Variants in MACROD2 observed in about 807,000 individuals in gnomAD.
MACROD2 encodes ADP-ribose glycohydrolase MACROD2.
MACROD2 carries 36 observed loss-of-function variants against 70.4 expected under a neutral mutation model. The ratio of observed to expected loss-of-function variants is 0.51; its 90% CI spans 0.39 to 0.68. MACROD2 has a LOEUF of 0.68. MACROD2 is among the 30% of genes least tolerant of loss of function. The probability of loss-of-function intolerance (pLI) is 0.00; values close to 1 mark genes in which losing one functional copy is unlikely to be tolerated. For missense variants in MACROD2, 496 were observed against 538.4 expected, an observed-to-expected ratio of 0.92 and a Z score of 0.78; for synonymous variants, 172 against 178.8, an observed-to-expected ratio of 0.96 and a Z score of 0.30.
intron 6 of MACROD2, among the ~76,000 whole-genome samples, chr20:15,362,008 CTT>C (rs34029805): frequency 4.9e-5 from 7 of 142,472 alleles, no homozygotes; most frequent in Admixed American, 2.1e-4. Context: ...TTATTTCTTC[CTT>C]TTTTTTTTTT....
intron 6 of MACROD2, among the ~76,000 whole-genome samples, chr20:15,323,863 G>A (rs2146175997): frequency 6.6e-6 from 1 of 152,196 alleles, no homozygotes; most frequent in Middle Eastern, 3.4e-3. Context: ...GGCTACACTT[G>A]AACAGGTAGA....
intron 5 of MACROD2, among the ~76,000 whole-genome samples, chr20:14,702,566 C>CAT (rs1271954810): frequency 1.7e-5 from 2 of 118,530 alleles, no homozygotes; most frequent in African/African-American, 3.1e-5. Flanking sequence ...TATATATATA[C>CAT]ACATATATGT....
intron 5 of MACROD2, among the ~76,000 whole-genome samples, chr20:14,855,149 G>A (rs1227415260): frequency 1.3e-5 from 2 of 152,214 alleles, no homozygotes; most frequent in South Asian, 2.1e-4. Flanking sequence ...TATAACTCTC[G>A]ATTGATAATA....
At chr20:14,253,179 A>G (rs1055063915) in intron 3 of MACROD2, among the ~76,000 whole-genome samples, 8 of 152,080 alleles carry the variant, frequency 5.3e-5, no homozygotes, top group Admixed American at 2.6e-4. Flanking sequence ...TTTTATGAGT[A>G]GTGATTTTGT....
At position 15,129,079 on chromosome 20, in the gene MACROD2, CAA is replaced by C. The variant is rs201926353; in HGVS notation, c.419-100859_419-100858del. ...TTGTTTTAACATTTAAAATAAGAGA[CAA>C]AGTCATCAGAGTCAAATTATGTATT... On this transcript the variant is annotated intron_variant, in intron 5 of 17. Transcript: ENST00000684519. Among the ~76,000 whole-genome samples the C allele has an allele frequency of 1.0e-3, 152 of 151,882 alleles. 1 individual carries two copies. The highest frequency in any genetic ancestry group is 3.1e-3 in the African/African-American group (130 of 41,462).
At chr20:15,469,648 C>T (rs533718657) in intron 7 of MACROD2, among the ~76,000 whole-genome samples, 1 of 152,232 alleles carries the variant, frequency 6.6e-6, no homozygotes, top group East Asian at 1.9e-4. Context: ...GGCCTTGGGC[C>T]TGGGCGATGC....
intron 10 of MACROD2, among the ~76,000 whole-genome samples, chr20:15,925,772 A>C (rs2065479702): frequency 6.6e-6 from 1 of 152,168 alleles, no homozygotes; most frequent in Non-Finnish European, 1.5e-5. Context: ...TAACAGACAC[A>C]CGGGCTTAAA....
intron 5 of MACROD2, among the ~76,000 whole-genome samples, chr20:15,083,359 A>T (rs2075719739): frequency 6.6e-6 from 1 of 152,154 alleles, no homozygotes; most frequent in Non-Finnish European, 1.5e-5. Context: ...ACTAAAACCA[A>T]TCATTCCCTA....
In MACROD2 at chr20:15,479,525, G is replaced by C. The variant is rs952726347; in HGVS notation, c.572-20249G>C. On this transcript the variant is annotated intron_variant, in intron 7 of 17. Transcript: ENST00000684519. ...CCTGACCTCGTGATCCGCCCGCCTC[G>C]GCCTCCCAAAGTGCTGGGATTACAG... Among the ~76,000 whole-genome samples, 13 of 151,920 alleles carry C rather than the reference G, an allele frequency of 8.6e-5. No homozygotes were observed. The East Asian group carries it at 1.2e-3, about 14-fold the overall frequency.
chr20:14,011,191 A>T (rs1016729165), intron 2 of MACROD2, among the ~76,000 whole-genome samples: 3 of 152,156 alleles, frequency 2.0e-5, no homozygotes, highest in Non-Finnish European at 4.4e-5. Context: ...GTACAACCTC[A>T]AAATAACTTT....
chr20:14,395,813 A>G (rs1479646081), intron 3 of MACROD2, among the ~76,000 whole-genome samples: 1 of 152,140 alleles, frequency 6.6e-6, no homozygotes, highest in African/African-American at 2.4e-5. Flanking sequence ...CATACTTTCT[A>G]ATTTCTCTTT....
At chr20:14,152,208 C>T (rs985483480) in intron 3 of MACROD2, among the ~76,000 whole-genome samples, 12 of 152,066 alleles carry the variant, frequency 7.9e-5, no homozygotes, top group Non-Finnish European at 1.6e-4. Flanking sequence ...TTCAGAGATA[C>T]TTTGGCTTAA....
At chr20:15,085,105 T>TA (rs1377693465) in intron 5 of MACROD2, among the ~76,000 whole-genome samples, 3 of 152,152 alleles carry the variant, frequency 2.0e-5, no homozygotes, top group Non-Finnish European at 2.9e-5. Context: ...AATCCTCACA[T>TA]AATGGTCCAT....
At chr20:14,927,078 A>G (rs1228693263) in intron 5 of MACROD2, among the ~76,000 whole-genome samples, 1 of 152,124 alleles carries the variant, frequency 6.6e-6, no homozygotes, top group Non-Finnish European at 1.5e-5. Flanking sequence ...TTAAATTTTT[A>G]ATTTCAGTAT....
intron 5 of MACROD2, among the ~76,000 whole-genome samples, chr20:14,929,894 T>G (rs610711): frequency 0.49 from 74,320 of 151,460 alleles, 18,906 homozygotes; most frequent in South Asian, 0.71. Context: ...GGGCGCGGTA[T>G]CTCACGCCTG....
intron 5 of MACROD2, among the ~76,000 whole-genome samples, chr20:14,987,394 G>A (rs2031348): frequency 0.021 from 3,242 of 152,196 alleles, 67 homozygotes; most frequent in Admixed American, 0.047. Context: ...TGGGATTGTT[G>A]CCGCCGTTGT....
chr20:14,162,963 T>G (rs1422998981), intron 3 of MACROD2, among the ~76,000 whole-genome samples: 1 of 152,176 alleles, frequency 6.6e-6, no homozygotes, highest in East Asian at 1.9e-4. Flanking sequence ...TCATTCTCTC[T>G]TATTGTTTAT....
At chr20:14,518,541 T>A (rs1295764562) in intron 4 of MACROD2, among the ~76,000 whole-genome samples, 1 of 152,196 alleles carries the variant, frequency 6.6e-6, no homozygotes, top group Non-Finnish European at 1.5e-5. Flanking sequence ...TGAATCTTCC[T>A]ATCCATATGT....
chr20:15,261,105 T>G (rs2077245595), intron 6 of MACROD2, among the ~76,000 whole-genome samples: 1 of 151,936 alleles, frequency 6.6e-6, no homozygotes, highest in Non-Finnish European at 1.5e-5. Context: ...CCAGAAGAGC[T>G]CTAAATATAA....
Sources: gnomAD v4.1 joint callset for allele counts (sites outside exome capture counted in the v4.1 genomes callset) on GRCh38, gnomAD v4.1.1 for gene constraint, MANE v1.5 for transcripts, NCBI Gene and HGNC (gene_info 2026-07-23, HGNC 2026-07-21) for gene names.